PCCA: variants seen among roughly 807,000 people sequenced by gnomAD.
PCCA encodes the protein propionyl-CoA carboxylase alpha chain, mitochondrial.
PCCA carries 74 observed loss-of-function variants against 101.3 expected under a neutral mutation model. The ratio of observed to expected loss-of-function variants is 0.73; its 90% CI spans 0.61 to 0.89. The LOEUF (loss-of-function observed/expected upper bound fraction) is 0.89. Ranked by LOEUF, PCCA falls within the 40% of genes least tolerant of loss-of-function variation. The pLI is 0.00. For synonymous variants in PCCA, 294 were observed against 313.6 expected, an observed-to-expected ratio of 0.94 and a Z score of 0.66; for missense variants, 891 against 907.0, an observed-to-expected ratio of 0.98 and a Z score of 0.23.
At chr13:100,225,383 T>G (rs1241599984) in intron 7 of PCCA, among the ~76,000 whole-genome samples, 1 of 152,220 alleles carries the variant, frequency 6.6e-6, no homozygotes, top group Non-Finnish European at 1.5e-5. Flanking sequence ...TAAGAGGAAA[T>G]AGTAATACCC....
intron 20 of PCCA, among the ~76,000 whole-genome samples, chr13:100,431,695 T>C (rs1309881371): frequency 1.3e-5 from 2 of 151,352 alleles, no homozygotes; most frequent in African/African-American, 4.9e-5. Flanking sequence ...TGAAACCCCA[T>C]CTCCACTAAA....
At chr13:100,112,576 CTTTTTTT>C (rs5806149) in intron 4 of PCCA, among the ~76,000 whole-genome samples, 1 of 124,046 alleles carries the variant, frequency 8.1e-6, no homozygotes, top group Non-Finnish European at 1.6e-5. Flanking sequence ...CACAGCAGGC[CTTTTTTT>C]TTTTTTTTTT....
chr13:100,181,604 G>A (rs1248068243), intron 6 of PCCA, among the ~76,000 whole-genome samples: 1 of 151,550 alleles, frequency 6.6e-6, no homozygotes, highest in Non-Finnish European at 1.5e-5. Flanking sequence ...TGTATTTTTT[G>A]TAGAGATGTG....
At chr13:100,435,291 G>A (rs942345761) in intron 20 of PCCA, among the ~76,000 whole-genome samples, 10 of 152,114 alleles carry the variant, frequency 6.6e-5, no homozygotes, top group Non-Finnish European at 1.2e-4. Context: ...GAGAGAGAAC[G>A]GGGAGGTGCC....
intron 17 of PCCA, among the ~76,000 whole-genome samples, chr13:100,334,617 G>A (rs2070152620): frequency 6.6e-6 from 1 of 152,126 alleles, no homozygotes; most frequent in Admixed American, 6.6e-5. Context: ...AAAAAACTGT[G>A]ATTTTTCTAA....
chr13:100,204,174 G>C (rs2058712759), intron 6 of PCCA, among the ~76,000 whole-genome samples: 1 of 150,690 alleles, frequency 6.6e-6, no homozygotes, highest in African/African-American at 2.4e-5. Flanking sequence ...CTGTCATCCA[G>C]GCTGGAGTGC....
At position 100,112,003 on chromosome 13, in the gene PCCA, C is replaced by G; in HGVS notation, c.242C>G (p.Thr81Ser). The change falls in exon 4 of 24, where the codon ACT (threonine) becomes AGT (serine). Residue 81 changes from threonine to serine, a missense_variant. By Grantham distance (58) the Thr-to-Ser change is moderately conservative. Coordinates refer to ENST00000376285, the MANE Select transcript of PCCA (RefSeq NM_000282.4). ...RGEIACRVIR[T>S]CKKMGIKTVA... ...TATATTTTAAAATAGGTTATTAGAA[C>G]TTGCAAGAAGATGGGCATTAAGACA... The G allele has an allele frequency of 6.2e-7, 1 of 1,606,814 alleles. No homozygotes were observed. Among genetic ancestry groups the G allele is most frequent in the Non-Finnish European group, 8.5e-7 (1 of 1,174,868 alleles).
chr13:100,307,285 A>T, intron 15 of PCCA, 25 bp downstream of exon 15: 1 of 1,424,462 alleles, frequency 7.0e-7, no homozygotes, highest in Non-Finnish European at 9.9e-7. Flanking sequence ...TCAATGGATT[A>T]TTTGATTTCT....
At chr13:100,131,413 A>G (rs894856410) in intron 4 of PCCA, among the ~76,000 whole-genome samples, 4 of 152,178 alleles carry the variant, frequency 2.6e-5, no homozygotes, top group African/African-American at 4.8e-5. Context: ...TCACTCTGCT[A>G]TGGCCGCTTG....
intron 20 of PCCA, among the ~76,000 whole-genome samples, chr13:100,440,078 G>T (rs1439690408): frequency 6.7e-6 from 1 of 149,162 alleles, no homozygotes; most frequent in Non-Finnish European, 1.5e-5. Flanking sequence ...ATTTGGAATA[G>T]TGTCACATGA....
intron 7 of PCCA, among the ~76,000 whole-genome samples, chr13:100,232,351 C>CGTGCGTGTGTGTGT (rs2060529499): frequency 5.3e-5 from 7 of 131,180 alleles, no homozygotes; most frequent in Non-Finnish European, 9.8e-5. Context: ...TGTGTGTATG[C>CGTGCGTGTGTGTGT]GTGTGTGTGT....
intron 19 of PCCA, among the ~76,000 whole-genome samples, chr13:100,416,512 C>CTG (rs143797850): frequency 0.09 from 13,095 of 145,334 alleles, 1,701 homozygotes; most frequent in African/African-American, 0.29. Flanking sequence ...TTTTAAATAT[C>CTG]TGTGTGTGTG....
intron 6 of PCCA, among the ~76,000 whole-genome samples, chr13:100,172,494 C>T (rs2055790279): frequency 6.6e-6 from 1 of 151,858 alleles, no homozygotes. Context: ...AATTTTTATG[C>T]TTTGTAGCTT....
chr13:100,223,160 CT>C (rs112926284), intron 7 of PCCA, among the ~76,000 whole-genome samples: 242 of 142,816 alleles, frequency 1.7e-3, no homozygotes, highest in Admixed American at 2.6e-3. Flanking sequence ...GGGATCACAG[CT>C]TTTTTTTTTT....
At chr13:100,415,089 T>A (rs1340982998) in intron 19 of PCCA, among the ~76,000 whole-genome samples, 2 of 152,024 alleles carry the variant, frequency 1.3e-5, no homozygotes, top group African/African-American at 2.4e-5. Flanking sequence ...TGGAGTGTAT[T>A]ATTTCTAGGA....
chr13:100,132,322 T>TCATTACCCCTCAGACTCCCTTGTGG (rs2050625376), intron 4 of PCCA, among the ~76,000 whole-genome samples: 1 of 5,516 alleles, frequency 1.8e-4, no homozygotes, highest in African/African-American at 5.1e-4. Flanking sequence ...CTCCCTTGTG[T>TCATTACCCCTCAGACTCCCTTGTGG]ATCCCATTAG....
At chr13:100,357,317 C>T (rs76366871) in intron 18 of PCCA, among the ~76,000 whole-genome samples, 8,076 of 152,156 alleles carry the variant, frequency 0.053, 242 homozygotes, top group Non-Finnish European at 0.073. Flanking sequence ...GCATTTCTTC[C>T]TTCTAGTTTG....
At chr13:100,370,153 G>T (rs1443278599) in intron 19 of PCCA, among the ~76,000 whole-genome samples, 1 of 127,720 alleles carries the variant, frequency 7.8e-6, no homozygotes, top group Non-Finnish European at 1.6e-5. Context: ...GCATGATCTC[G>T]GCTCACTGCA....
chr13:100,385,919 A>G (rs1487175504), intron 19 of PCCA, among the ~76,000 whole-genome samples: 1 of 152,194 alleles, frequency 6.6e-6, no homozygotes, highest in African/African-American at 2.4e-5. Flanking sequence ...GCCTCTTCCT[A>G]AGATTGTAGA....
Sources: gnomAD v4.1 joint callset for allele counts (sites outside exome capture counted in the v4.1 genomes callset) on GRCh38, gnomAD v4.1.1 for gene constraint, MANE v1.5 for transcripts, NCBI Gene and HGNC (gene_info 2026-07-23, HGNC 2026-07-21) for gene names.